APP: variants seen among roughly 807,000 people sequenced by gnomAD.
APP encodes the protein amyloid-beta precursor protein.
APP carries 31 observed loss-of-function variants against 101.4 expected under a neutral mutation model. The observed-to-expected ratio is 0.31, with a 90% CI of 0.23 to 0.41. The LOEUF is 0.41. APP is among the 10% of genes least tolerant of loss of function. APP has a pLI of 1.00. For synonymous variants in APP, 366 were observed against 364.4 expected (o/e 1.00, Z -0.05); for missense variants, 839 against 1,003.7 (o/e 0.84, Z 2.22).
Position 26,035,173 on chromosome 21 carries a change from A to G in APP, c.663-13131T>C, listed in dbSNP as rs146278224. Among the ~76,000 whole-genome samples, 9 of 152,224 alleles carry G rather than the reference A, an allele frequency of 5.9e-5. No homozygotes were observed. The East Asian group carries it at 1.7e-3, about 30-fold the overall frequency. ...GTGCAGCCTGTAGTCCCAGCTACTCAGGAGGATCTCCAGAGCCAGGGAGGT... is the reference window on the plus strand; with the variant it reads ...GTGCAGCCTGTAGTCCCAGCTACTCGGGAGGATCTCCAGAGCCAGGGAGGT... On this transcript the variant is annotated intron_variant, in intron 5 of 17. Transcript: ENST00000346798.
intron 13 of APP, among the ~76,000 whole-genome samples, chr21:25,921,457 G>A (rs1213157701): frequency 6.8e-6 from 1 of 146,636 alleles, no homozygotes; most frequent in East Asian, 2.0e-4. Context: ...TTTTTGAAAG[G>A]ATCAACAAAA....
At chr21:26,091,455 A>G (rs796404089) in intron 2 of APP, among the ~76,000 whole-genome samples, 6 of 152,298 alleles carry the variant, frequency 3.9e-5, no homozygotes, top group African/African-American at 1.4e-4. Flanking sequence ...GCAATGGGTG[A>G]TGGAGAATGA....
At chr21:26,023,609 G>A (rs1601242911) in intron 5 of APP, among the ~76,000 whole-genome samples, 1 of 152,054 alleles carries the variant, frequency 6.6e-6, no homozygotes, top group Non-Finnish European at 1.5e-5. Flanking sequence ...AGGCTGGGGC[G>A]GGAGGATTGC....
chr21:26,120,707 A>G (rs962516471), intron 1 of APP, among the ~76,000 whole-genome samples: 1 of 152,194 alleles, frequency 6.6e-6, no homozygotes, highest in African/African-American at 2.4e-5. Context: ...GTACAAAGGC[A>G]TAGTTTTTAA....
chr21:25,952,231 G>A (rs1332561525), intron 13 of APP, among the ~76,000 whole-genome samples: 1 of 112,082 alleles, frequency 8.9e-6, no homozygotes, highest in African/African-American at 3.7e-5. Flanking sequence ...CACACATTAA[G>A]AGCACATACG....
At chr21:26,032,774 T>C (rs1568885037) in intron 5 of APP, among the ~76,000 whole-genome samples, 2 of 140,580 alleles carry the variant, frequency 1.4e-5, no homozygotes, top group Admixed American at 7.8e-5. Context: ...GTAATGTTTT[T>C]CTTGGGGCTT....
intron 14 of APP, among the ~76,000 whole-genome samples, chr21:25,910,363 CT>C (rs1331315861): frequency 2.0e-5 from 3 of 152,126 alleles, no homozygotes; most frequent in African/African-American, 7.2e-5. Context: ...ATCTCCTGAC[CT>C]TGCGATCTGC....
rs2146034959 is a variant in APP at position 26,070,880 on chromosome 21, G to A, written c.356-17532C>T. On this transcript the variant is annotated intron_variant, in intron 3 of 17. Coordinates refer to ENST00000346798, the MANE Select transcript of APP (RefSeq NM_000484.4). ...TGTCAGATAGCAGAATGAGAACAAGGCTACTCTTCAACTTAGTCATCCTCT... is the reference window on the plus strand; with the variant it reads ...TGTCAGATAGCAGAATGAGAACAAGACTACTCTTCAACTTAGTCATCCTCT... Among the ~76,000 whole-genome samples the A allele has an allele frequency of 2.0e-5, 3 of 152,176 alleles. 1 individual carries two copies. In the South Asian group the frequency reaches 6.2e-4, roughly 32 times the overall value.
At chr21:25,957,703 A>G (rs1440451070) in intron 11 of APP, among the ~76,000 whole-genome samples, 2 of 152,150 alleles carry the variant, frequency 1.3e-5, no homozygotes, top group African/African-American at 4.8e-5. Context: ...ATAAGAAAAA[A>G]AAAAAGCACT....
intron 13 of APP, among the ~76,000 whole-genome samples, chr21:25,916,325 A>G (rs1342186734): frequency 6.6e-6 from 1 of 152,166 alleles, no homozygotes; most frequent in African/African-American, 2.4e-5. Flanking sequence ...AGAGAAAAAA[A>G]GAGGTAGACA....
At chr21:25,895,604 G>C (rs1290600887) in intron 16 of APP, among the ~76,000 whole-genome samples, 1 of 152,134 alleles carries the variant, frequency 6.6e-6, no homozygotes, top group Non-Finnish European at 1.5e-5. Context: ...CCTCAAGGTA[G>C]TCAAATGACT....
At chr21:26,136,160 AAAAG>A (rs747813878) in intron 1 of APP, among the ~76,000 whole-genome samples, 10 of 65,212 alleles carry the variant, frequency 1.5e-4, no homozygotes, top group South Asian at 5.5e-4. Context: ...AAAAGAAAAG[AAAAG>A]AAAGAAAAGA....
chr21:25,886,300 CTATAGTTA>C (rs1555887856), intron 17 of APP, among the ~76,000 whole-genome samples: 1 of 152,074 alleles, frequency 6.6e-6, no homozygotes, highest in Non-Finnish European at 1.5e-5. Flanking sequence ...TGCCATCTCT[CTATAGTTA>C]TATATAACTA....
At chr21:25,972,766 G>T (rs1003810345) in intron 11 of APP, among the ~76,000 whole-genome samples, 2 of 151,674 alleles carry the variant, frequency 1.3e-5, no homozygotes, top group African/African-American at 2.4e-5. Context: ...TCTGCGCAAA[G>T]AGTTTACAGC....
intron 16 of APP, 92 bp from the exon 17 acceptor site, chr21:25,891,960 A>C: frequency 7.5e-7 from 1 of 1,333,892 alleles, no homozygotes; most frequent in Non-Finnish European, 1.0e-6. Context: ...CATTTCTTAA[A>C]TGCAGGGGAC....
At chr21:26,093,135 TA>T (rs2061863714) in intron 2 of APP, among the ~76,000 whole-genome samples, 1 of 152,190 alleles carries the variant, frequency 6.6e-6, no homozygotes, top group Admixed American at 6.6e-5. Flanking sequence ...AAAATGCCAC[TA>T]AAAATTTAAT....
intron 12 of APP, 69 bp downstream of exon 12, chr21:25,955,558 G>A: frequency 1.2e-6 from 2 of 1,611,010 alleles, no homozygotes; most frequent in East Asian, 2.2e-5. Context: ...GTGGGATCCT[G>A]TCACCAACCC....
chr21:26,124,274 A>G (rs968205147), intron 1 of APP, among the ~76,000 whole-genome samples: 12 of 152,214 alleles, frequency 7.9e-5, no homozygotes, highest in Middle Eastern at 3.2e-3. Context: ...CCTAACAGAG[A>G]AAAGAAAACA....
intron 5 of APP, among the ~76,000 whole-genome samples, chr21:26,029,304 G>T (rs2044716417): frequency 6.6e-6 from 1 of 151,898 alleles, no homozygotes; most frequent in African/African-American, 2.4e-5. Flanking sequence ...TGGGAAGCTG[G>T]ACACTGGGCC....
Sources: gnomAD v4.1 joint callset for allele counts (sites outside exome capture counted in the v4.1 genomes callset) on GRCh38, gnomAD v4.1.1 for gene constraint, MANE v1.5 for transcripts, NCBI Gene and HGNC (gene_info 2026-07-23, HGNC 2026-07-21) for gene names.